SORBS3: variants seen among roughly 807,000 people sequenced by gnomAD.
The protein encoded by SORBS3 is vinexin.
A neutral mutation model predicts 98.0 loss-of-function variants in SORBS3; 69 were observed. The observed-to-expected ratio is 0.70, with a 90% CI of 0.58 to 0.86. The LOEUF is 0.86. Among genes scored for constraint, SORBS3 ranks in the 40% least tolerant of loss-of-function variants. The pLI is 0.00. For synonymous variants in SORBS3, 394 were observed against 355.4 expected (o/e 1.11, Z -1.22); for missense variants, 954 against 908.5 (o/e 1.05, Z -0.64).
intron 7 of SORBS3, among the ~76,000 whole-genome samples, chr8:22,562,133 G>C (rs567910001): frequency 3.3e-5 from 5 of 152,366 alleles, no homozygotes; most frequent in Admixed American, 2.0e-4. Flanking sequence ...CAGGGTCAAG[G>C]GGGGAAGGGT....
rs1434400616 is a variant in SORBS3, at chr8:22,575,027, A to G, written c.*299A>G. ...CAGGCCTTATTGAGACCAGACCCCA[A>G]GTCCCCCACCCCCATCCTGCTCCAG... On this transcript the variant is annotated 3_prime_UTR_variant, in exon 21 of 21. Coordinates refer to ENST00000240123, the MANE Select transcript of SORBS3 (RefSeq NM_005775.5). 1.8e-6 allele frequency: 1 copy of G among 560,378 alleles called. No individual in the cohort carries two copies. Among genetic ancestry groups the G allele is most frequent in the Non-Finnish European group, 3.4e-6 (1 of 294,384 alleles). 34.7% of individuals were successfully genotyped at this position (560,378 alleles called of 1,614,324 possible).
rs796285534 is a variant in SORBS3 at position 22,575,337 on chromosome 8, G to GCCCTGT, written c.*614_*615insTCCCTG. 3.9e-4 allele frequency: 90 copies of GCCCTGT among 228,642 alleles called. No individual in the cohort carries two copies. The highest frequency in any genetic ancestry group is 3.4e-3 in the East Asian group (22 of 6,422). The allele number at this position is 228,642 out of a possible 1,614,324, so 14.2% of individuals were successfully genotyped here. ...CAGGGGCTGCCAAGTCCTGGCCCTG[G>GCCCTGT]CCCTGGCATATCACCCCGCACTGTG... is the stretch of plus-strand genomic sequence containing the variant. On this transcript the variant is annotated 3_prime_UTR_variant, in exon 21 of 21. Transcript: ENST00000240123.
Position 22,572,427 on chromosome 8 carries a change from T to C in SORBS3, c.1935T>C (p.Cys645=). 2 of 1,613,724 alleles carry C rather than the reference T, an allele frequency of 1.2e-6. No individual in the cohort carries two copies. Among genetic ancestry groups the C allele is most frequent in the South Asian group, 1.1e-5 (1 of 91,078 alleles). Residue 645 remains cysteine, a synonymous_variant, in exon 20 of 21, where the codon TGT becomes TGC. Coordinates refer to ENST00000240123, the MANE Select transcript of SORBS3 (RefSeq NM_005775.5). ...EGDRVDVMQQ[C]DDGWFVGVSR... ...ACAGGGTGGATGTCATGCAGCAGTG[T>C]GACGATGGCTGGTTTGTGGGTATGT...
intron 5 of SORBS3, 121 bp downstream of exon 5, chr8:22,558,313 G>A: frequency 5.5e-6 from 5 of 916,884 alleles, no homozygotes; most frequent in East Asian, 2.5e-5. Context: ...CCTTCTCCCA[G>A]GCTCTAATGA....
intron 15 of SORBS3, 49 bp downstream of exon 15, chr8:22,566,917 T>A: frequency 1.3e-6 from 2 of 1,591,714 alleles, no homozygotes; most frequent in Non-Finnish European, 1.7e-6. Flanking sequence ...ATCTCTGCCA[T>A]CCCAGAGGGG....
intron 17 of SORBS3, 35 bp downstream of exon 17, chr8:22,569,308 G>A: frequency 6.5e-7 from 1 of 1,542,952 alleles, no homozygotes; most frequent in Non-Finnish European, 8.8e-7. Context: ...GTGGGTGGGG[G>A]CAGGTGAAGA....
At chr8:22,565,502 G>A in intron 11 of SORBS3, 148 bp downstream of exon 11, 2 of 627,650 alleles carry the variant, frequency 3.2e-6, no homozygotes, top group Non-Finnish European at 4.7e-6. Context: ...CCTCCTGGGC[G>A]CTGGCGGGCT....
intron 4 of SORBS3, among the ~76,000 whole-genome samples, chr8:22,557,177 A>G (rs1176656668): frequency 1.3e-5 from 2 of 151,584 alleles, no homozygotes; most frequent in South Asian, 2.1e-4. Context: ...CCCTGCTGTA[A>G]GGCCTGAGGC....
chr8:22,564,871 G>A, intron 10 of SORBS3: 1 of 1,288,154 alleles, frequency 7.8e-7, no homozygotes. Context: ...AAGCAGCGTG[G>A]GGGTGGGGGC....
At position 22,574,996 on chromosome 8, in the gene SORBS3, C is replaced by A; in HGVS notation, c.*268C>A. ...CAGAGGTCTGCTTTGAAGCGGAGACCATTTCCAGGCCTTATTGAGACCAGA... is the reference window on the plus strand; with the variant it reads ...CAGAGGTCTGCTTTGAAGCGGAGACAATTTCCAGGCCTTATTGAGACCAGA... On this transcript the variant is annotated 3_prime_UTR_variant, in exon 21 of 21. Coordinates refer to ENST00000240123, the MANE Select transcript of SORBS3 (RefSeq NM_005775.5). 1 of 629,542 alleles carries A rather than the reference C, an allele frequency of 1.6e-6. No individual in the cohort carries two copies. Among genetic ancestry groups the A allele is most frequent in the South Asian group, 1.5e-5 (1 of 66,100 alleles). The allele number at this position is 629,542 out of a possible 1,614,324, so 39.0% of individuals were successfully genotyped here.
At chr8:22,552,688 A>C (rs1840106255) in intron 1 of SORBS3, among the ~76,000 whole-genome samples, 1 of 152,206 alleles carries the variant, frequency 6.6e-6, no homozygotes, top group African/African-American at 2.4e-5. Context: ...AGGCGCTGTC[A>C]GCTGATGGCC....
chr8:22,570,712 C>T (rs1264516482), intron 17 of SORBS3, among the ~76,000 whole-genome samples, 198 bp from the exon 18 acceptor site: 2 of 152,202 alleles, frequency 1.3e-5, no homozygotes, highest in Non-Finnish European at 2.9e-5. Flanking sequence ...CAGTCTCAGC[C>T]TCAGCCTTGC....
upstream of SORBS3, among the ~76,000 whole-genome samples, chr8:22,548,118 T>C (rs1840035271): frequency 1.3e-5 from 2 of 152,172 alleles, no homozygotes; most frequent in Non-Finnish European, 2.9e-5. Flanking sequence ...TTCACTCAGA[T>C]CCCTCACTCT....
At chr8:22,559,065 G>A (rs755871656) in intron 5 of SORBS3, among the ~76,000 whole-genome samples, 27 of 152,234 alleles carry the variant, frequency 1.8e-4, no homozygotes, top group Admixed American at 4.6e-4. Flanking sequence ...AGGAGCCACT[G>A]AGCGGAAGAG....
chr8:22,570,763 G>C (rs952438583), intron 17 of SORBS3, 147 bp from the exon 18 acceptor site: 1 of 683,130 alleles, frequency 1.5e-6, no homozygotes, highest in South Asian at 2.1e-5. Flanking sequence ...TGCTCTTACC[G>C]TGTGACTCGG....
Position 22,572,350 on chromosome 8 carries a change from A to T in SORBS3, c.1858A>T (p.Met620Leu). ...SQIHWTPYRA[M>L]YQYRPQNEDE... ...ATACGCTTCTCGCAGGTACCGGGCG[A>T]TGTACCAGTACAGGCCCCAGAACGA... Residue 620 changes from methionine to leucine, a missense_variant, in exon 20 of 21, where the codon ATG becomes TTG. Physicochemically the swap from Met to Leu is conservative, Grantham distance 15 (BLOSUM62 2). Coordinates refer to ENST00000240123, the MANE Select transcript of SORBS3 (RefSeq NM_005775.5). The T allele has an allele frequency of 1.9e-6, 3 of 1,613,838 alleles. No homozygotes were observed. Among genetic ancestry groups the T allele is most frequent in the Non-Finnish European group, 2.5e-6 (3 of 1,179,810 alleles).
chr8:22,565,699 C>A (rs1029923793), intron 11 of SORBS3, 127 bp from the exon 12 acceptor site: 14 of 1,226,566 alleles, frequency 1.1e-5, no homozygotes, highest in Non-Finnish European at 1.3e-5. Flanking sequence ...CGCGCGGGCG[C>A]CTCTAGGACC....
chr8:22,571,198 C>A lies in SORBS3; in HGVS notation c.1720C>A (p.Gln574Lys). The A allele has an allele frequency of 6.4e-7, 1 of 1,561,046 alleles. No homozygotes were observed. Among genetic ancestry groups the A allele is most frequent in the Non-Finnish European group, 8.7e-7 (1 of 1,155,486 alleles). Residue 574 changes from glutamine to lysine, a missense_variant, in exon 18 of 21, where the codon CAG (glutamine) becomes AAG (lysine). Transcript: ENST00000240123. ...PRRTGFSFPT[Q>K]EPRPQTQNLG... Reference sequence around the variant, plus strand: ...TCGCACTGGCTTCTCCTTCCCCACCCAGGAGCCTAGACCCCAGACCCAGGT... The same window carrying A: ...TCGCACTGGCTTCTCCTTCCCCACCAAGGAGCCTAGACCCCAGACCCAGGT...
At position 22,565,338 on chromosome 8, in the gene SORBS3, G is replaced by A. The variant is rs765158218; in HGVS notation, c.887G>A (p.Arg296Gln). Residue 296 changes from arginine (R) to glutamine (Q), a missense_variant, in exon 11 of 21, where the codon CGA becomes CAA. Transcript: ENST00000240123. ...AAGGACCTGCGGGCAATTGAGACCC[G>A]ACTGCCGTCCCCCAAGGTACCAGCC... The part of the protein sequence containing the change: ...LDKDLRAIET[R>Q]LPSPKSSPAP... 131 of 1,555,296 alleles carry A rather than the reference G, an allele frequency of 8.4e-5. No homozygotes were observed. The highest frequency in any genetic ancestry group is 1.7e-4 in the Middle Eastern group (1 of 5,804).
Sources: gnomAD v4.1 joint callset for allele counts (sites outside exome capture counted in the v4.1 genomes callset) on GRCh38, gnomAD v4.1.1 for gene constraint, MANE v1.5 for transcripts, NCBI Gene and HGNC (gene_info 2026-07-23, HGNC 2026-07-21) for gene names.